ANKFN1: variants seen among roughly 807,000 people sequenced by gnomAD.
ANKFN1 encodes ankyrin repeat and fibronectin type-III domain-containing protein 1.
ANKFN1 carries 74 observed loss-of-function variants against 108.7 expected under a neutral mutation model. That is an observed-to-expected ratio of 0.68 (90% CI 0.56 to 0.83). ANKFN1 has a LOEUF of 0.83. Ranked by LOEUF, ANKFN1 falls within the 40% of genes least tolerant of loss-of-function variation. The probability of loss-of-function intolerance (pLI) is 0.00; values close to 1 mark genes in which losing one functional copy is unlikely to be tolerated. For missense variants in ANKFN1, 1,505 were observed against 1,382.3 expected, an observed-to-expected ratio of 1.09 and a Z score of -1.41; for synonymous variants, 547 against 516.2, an observed-to-expected ratio of 1.06 and a Z score of -0.81.
chr17:56,442,281 G>C (rs1034504849), intron 9 of ANKFN1, among the ~76,000 whole-genome samples: 1 of 152,196 alleles, frequency 6.6e-6, no homozygotes, highest in African/African-American at 2.4e-5. Flanking sequence ...CCACCAGTCA[G>C]GGACTGGTTA....
chr17:56,366,690 G>A (rs1323486369), intron 6 of ANKFN1, among the ~76,000 whole-genome samples: 1 of 152,196 alleles, frequency 6.6e-6, no homozygotes, highest in East Asian at 1.9e-4. Flanking sequence ...AGTCAGTACA[G>A]CAACATGCTG....
chr17:56,450,775 G>A (rs893730861), intron 11 of ANKFN1, among the ~76,000 whole-genome samples: 1 of 152,192 alleles, frequency 6.6e-6, no homozygotes, highest in Admixed American at 6.5e-5. Flanking sequence ...GTCTTGATCA[G>A]AGGGGGAAAA....
chr17:56,139,566 T>C (rs1057063078), intron 4 of ANKFN1, among the ~76,000 whole-genome samples: 2 of 152,186 alleles, frequency 1.3e-5, no homozygotes, highest in African/African-American at 4.8e-5. Flanking sequence ...CATTATGCTC[T>C]GTTGCCGACA....
chr17:56,284,314 G>A (rs2044162213), intron 3 of ANKFN1, among the ~76,000 whole-genome samples: 1 of 152,080 alleles, frequency 6.6e-6, no homozygotes, highest in African/African-American at 2.4e-5. Flanking sequence ...TTCATTCCTA[G>A]GATACTGAGA....
At chr17:56,432,350 G>A (rs575993074) in intron 8 of ANKFN1, among the ~76,000 whole-genome samples, 4 of 152,244 alleles carry the variant, frequency 2.6e-5, no homozygotes, top group African/African-American at 9.6e-5. Flanking sequence ...TTAGTTCAGT[G>A]TCCTAAAAGT....
intron 8 of ANKFN1, among the ~76,000 whole-genome samples, chr17:56,401,903 G>A (rs981475174): frequency 1.3e-5 from 2 of 152,112 alleles, no homozygotes; most frequent in South Asian, 2.1e-4. Flanking sequence ...TAATCATAAA[G>A]CAATGCTGGA....
chr17:56,496,184 G>GT (rs749424213), intron 19 of ANKFN1, among the ~76,000 whole-genome samples: 52 of 152,118 alleles, frequency 3.4e-4, no homozygotes, highest in African/African-American at 1.2e-3. Flanking sequence ...TGGTTTTTAA[G>GT]TTTTTTCTTC....
chr17:56,202,615 A>G (rs1431822984), intron 1 of ANKFN1, among the ~76,000 whole-genome samples: 1 of 152,090 alleles, frequency 6.6e-6, no homozygotes, highest in African/African-American at 2.4e-5. Flanking sequence ...TCACCTATTC[A>G]TCTTTTGGGG....
chr17:56,379,912 A>G (rs561117006), intron 8 of ANKFN1, among the ~76,000 whole-genome samples: 2 of 152,382 alleles, frequency 1.3e-5, no homozygotes, highest in Admixed American at 1.3e-4. Flanking sequence ...ATTTTACAGC[A>G]TATTTTAACA....
chr17:56,505,178 G>C (rs2051512898), intron 20 of ANKFN1, among the ~76,000 whole-genome samples: 1 of 152,144 alleles, frequency 6.6e-6, no homozygotes, highest in African/African-American at 2.4e-5. Context: ...CAAAGATAAA[G>C]CAAAATTATC....
At chr17:56,392,930 T>C (rs1186662178) in intron 8 of ANKFN1, among the ~76,000 whole-genome samples, 1 of 152,222 alleles carries the variant, frequency 6.6e-6, no homozygotes, top group African/African-American at 2.4e-5. Flanking sequence ...GACTTTCCAC[T>C]GATTTTAGCT....
At chr17:56,294,140 A>T (rs954679402) in intron 3 of ANKFN1, among the ~76,000 whole-genome samples, 1 of 152,242 alleles carries the variant, frequency 6.6e-6, no homozygotes, top group Non-Finnish European at 1.5e-5. Context: ...GCTATCAGCT[A>T]GAAGGGCAAA....
chr17:56,467,022 C>T lies in ANKFN1; in HGVS notation c.1773+451C>T, dbSNP rs534212939. 7.9e-5 allele frequency among the ~76,000 whole-genome samples: 12 copies of T among 152,072 alleles called. No homozygotes were observed. The East Asian group carries it at 1.9e-3, about 25-fold the overall frequency. ...ATCTCAGCTGCTTGGGGGGCTGAGG[C>T]GGGGAGAATCGCTGGAACCTGGGAG... is the stretch of plus-strand genomic sequence containing the variant. On this transcript the variant is annotated intron_variant, in intron 15 of 20. Coordinates refer to ENST00000682825, the MANE Select transcript of ANKFN1 (RefSeq NM_001370326.1).
At chr17:56,411,322 T>G (rs1361663572) in intron 8 of ANKFN1, among the ~76,000 whole-genome samples, 1 of 152,180 alleles carries the variant, frequency 6.6e-6, no homozygotes, top group Admixed American at 6.5e-5. Context: ...AAATACTAAT[T>G]TTTTTAAATT....
intron 2 of ANKFN1, 73 bp from the exon 3 acceptor site, chr17:56,227,844 C>T (rs1172828250): frequency 9.9e-6 from 12 of 1,207,160 alleles, no homozygotes; most frequent in Admixed American, 2.3e-5. Flanking sequence ...TGGCTTCAAA[C>T]GTGACTCCTT....
At chr17:56,376,594 A>T (rs763897164) in intron 8 of ANKFN1, among the ~76,000 whole-genome samples, 1 of 152,140 alleles carries the variant, frequency 6.6e-6, no homozygotes, top group Non-Finnish European at 1.5e-5. Context: ...TTTCCTTCTT[A>T]CTTTGATGAG....
chr17:56,465,146 T>C (rs1165472933), intron 14 of ANKFN1, among the ~76,000 whole-genome samples: 1 of 152,162 alleles, frequency 6.6e-6, no homozygotes. Flanking sequence ...TCACACTGCT[T>C]ATTAGTACCC....
At chr17:56,357,980 A>G (rs75287296) in intron 6 of ANKFN1, among the ~76,000 whole-genome samples, 4,328 of 152,260 alleles carry the variant, frequency 0.028, 209 homozygotes, top group African/African-American at 0.1. Flanking sequence ...CAAAGTTAAT[A>G]GGTGGTGCAG....
Position 56,220,926 on chromosome 17 carries a change from C to T in ANKFN1, c.13-6991C>T, listed in dbSNP as rs114351609. Among the ~76,000 whole-genome samples the T allele has an allele frequency of 5.5e-3, 731 of 133,286 alleles. 13 individuals are homozygous for T. Among genetic ancestry groups the T allele is most frequent in the African/African-American group, 0.018 (683 of 38,038 alleles). The allele number at this position is 133,286 out of a possible 152,430, so 87.4% of individuals were successfully genotyped here. On this transcript the variant is annotated intron_variant, in intron 2 of 20. Coordinates refer to ENST00000682825, the MANE Select transcript of ANKFN1 (RefSeq NM_001370326.1). The stretch of plus-strand genomic sequence containing the variant: ...AGGAAGGGAGTGGGGGAGGGAGGAA[C>T]GAACGAACGAAAGAAAGACAGACCT...
Sources: allele counts gnomAD v4.1 joint callset (sites outside exome capture counted in the v4.1 genomes callset), GRCh38; gene constraint gnomAD v4.1.1; transcripts MANE v1.5; gene names NCBI Gene and HGNC (gene_info 2026-07-23, HGNC 2026-07-21).